The following FGFR1 variants were observed in gnomAD, a reference collection of about 807,000 sequenced individuals.
FGFR1 encodes FGFR1/PLAG1 fusion.
FGFR1 carries 18 observed loss-of-function variants against 93.7 expected under a neutral mutation model. That is an observed-to-expected ratio of 0.19 (90% CI 0.13 to 0.28). The LOEUF (loss-of-function observed/expected upper bound fraction) is 0.28. FGFR1 is among the 10% of genes least tolerant of loss of function. FGFR1 has a pLI of 1.00. For missense variants in FGFR1, 731 were observed against 1,080.4 expected (o/e 0.68, Z 4.53); for synonymous variants, 448 against 429.3 (o/e 1.04, Z -0.54).
intron 2 of FGFR1, among the ~76,000 whole-genome samples, chr8:38,442,874 A>C (rs1027611705): frequency 6.6e-6 from 1 of 152,046 alleles, no homozygotes. Flanking sequence ...GACTCTCAGC[A>C]CCCCAAGTGC....
chr8:38,423,606 T>C (rs934253046), intron 7 of FGFR1: 2 of 167,196 alleles, frequency 1.2e-5, no homozygotes, highest in African/African-American at 4.8e-5. Flanking sequence ...CGCCCGGCCT[T>C]CTTTCCCTTT....
intron 1 of FGFR1, chr8:38,466,189 AAC>A (rs1258959702): frequency 6.0e-5 from 14 of 232,268 alleles, no homozygotes; most frequent in Non-Finnish European, 1.1e-4. Flanking sequence ...AGTCCTTAAA[AAC>A]ACACAGAGAG....
At chr8:38,447,409 G>C (rs1829703897) in intron 2 of FGFR1, among the ~76,000 whole-genome samples, 1 of 152,066 alleles carries the variant, frequency 6.6e-6, no homozygotes. Context: ...TCTGATTATG[G>C]TCATAAAACC....
intron 2 of FGFR1, among the ~76,000 whole-genome samples, chr8:38,448,976 CCTGTAAT>C (rs1830250804): frequency 6.6e-6 from 1 of 151,984 alleles, no homozygotes; most frequent in African/African-American, 2.4e-5. Context: ...GTGGCTCATG[CCTGTAAT>C]CCTAACACTT....
Position 38,418,225 on chromosome 8 carries a change from T to TA in FGFR1, c.1430+2dup. The TA allele has an allele frequency of 6.2e-7, 1 of 1,614,184 alleles. No homozygotes were observed. The highest frequency in any genetic ancestry group is 1.1e-5 in the South Asian group (1 of 91,090). ...AAAAAGTTGGGAGTCAAAGTATTAT[T>TA]ACCTGTCCCGAGGCAGCTCCCAGCG... On this transcript the variant is annotated splice_region_variant and intron_variant, in intron 10 of 17. Transcript: ENST00000447712.
chr8:38,428,234 C>G, intron 4 of FGFR1, 112 bp downstream of exon 4: 3 of 1,466,338 alleles, frequency 2.0e-6, no homozygotes, highest in South Asian at 2.3e-5. Context: ...CTTAGCAGAA[C>G]AGGCACCGTG....
At chr8:38,458,614 G>T (rs1833552708) in intron 1 of FGFR1, among the ~76,000 whole-genome samples, 1 of 152,080 alleles carries the variant, frequency 6.6e-6, no homozygotes. Context: ...GAGAAATAAG[G>T]GGCAATGAAG....
At chr8:38,466,324 C>T (rs1406577533) in intron 1 of FGFR1, 1 of 232,134 alleles carries the variant, frequency 4.3e-6, no homozygotes, top group Non-Finnish European at 8.5e-6. Flanking sequence ...GGCAGGCGCT[C>T]CCGCAGCTCC....
chr8:38,428,013 T>C lies in FGFR1; in HGVS notation c.529A>G (p.Lys177Glu), dbSNP rs1172942794. 1 of 1,614,142 alleles carries C rather than the reference T, an allele frequency of 6.2e-7. No homozygotes were observed. ...TTTGGGGTCCCACTGGAAGGGCATT[T>C]GAACTTCACTGTCTTGGCAGCCGGC... ...AVPAAKTVKF[K>E]CPSSGTPNPT... The change falls in exon 5 of 18, where the codon AAA becomes GAA. Residue 177 changes from lysine to glutamate, a missense_variant. By Grantham distance (56) the Lys-to-Glu change is moderately conservative. This residue lies in a region of FGFR1 where 109 missense variants were observed against 249.4 expected (regional missense o/e 0.44). Coordinates refer to ENST00000447712, the MANE Select transcript of FGFR1 (RefSeq NM_023110.3).
intron 1 of FGFR1, among the ~76,000 whole-genome samples, chr8:38,461,444 C>T (rs1040340246): frequency 1.3e-5 from 2 of 152,170 alleles, no homozygotes; most frequent in Non-Finnish European, 2.9e-5. Flanking sequence ...AAGTGATCCT[C>T]CCACCTCAGC....
chr8:38,463,964 T>C (rs936758957), intron 1 of FGFR1, among the ~76,000 whole-genome samples: 3 of 151,256 alleles, frequency 2.0e-5, no homozygotes, highest in African/African-American at 7.3e-5. Flanking sequence ...ATTTTTTGAG[T>C]CTCTTTAAAA....
Position 38,468,451 on chromosome 8 carries a change from G to A in FGFR1, c.-559C>T, listed in dbSNP as rs1586839107. On this transcript the variant is annotated 5_prime_UTR_variant, in exon 1 of 18. Transcript: ENST00000447712. ...AAGCAGCGGCGCGCTCGCGGCCGGG[G>A]AAGGCGAGGTCGCCGCAATGCGCTA... is the stretch of plus-strand genomic sequence containing the variant. 1 of 228,712 alleles carries A rather than the reference G, an allele frequency of 4.4e-6. No individual in the cohort carries two copies. The highest frequency in any genetic ancestry group is 2.2e-5 in the African/African-American group (1 of 45,010). The allele number at this position is 228,712 out of a possible 1,614,324, so 14.2% of individuals were successfully genotyped here.
chr8:38,429,139 C>T lies in FGFR1; in HGVS notation c.358+543G>A, dbSNP rs1350694036. 5.5e-6 allele frequency: 2 copies of T among 364,358 alleles called. No homozygotes were observed. The highest frequency in any genetic ancestry group is 1.5e-4 in the East Asian group (2 of 13,594). The allele number at this position is 364,358 out of a possible 1,614,324, so 22.6% of individuals were successfully genotyped here. On this transcript the variant is annotated intron_variant, in intron 3 of 17. Coordinates refer to ENST00000447712, the MANE Select transcript of FGFR1 (RefSeq NM_023110.3). The surrounding 1 kb of genome is among the most constrained non-coding windows in gnomAD (Gnocchi z 4.4). ...CATAAAGAAAATTTCAGCTCCACTT[C>T]CTCAACTCCTAGTTTTGTGAAAGTC...
chr8:38,421,767 G>A (rs1818899469), intron 8 of FGFR1, 30 bp downstream of exon 8: 1 of 1,613,364 alleles, frequency 6.2e-7, no homozygotes, highest in Non-Finnish European at 8.5e-7. Context: ...GCGAGGGCAG[G>A]ACATCGAGAG....
rs1818507872 is a variant in FGFR1 at position 38,420,915 on chromosome 8, TG to T, written c.1081+881del. ...ATGTTGAGGAACGAAGACAACTGAT[TG>T]GGAGCACATGGGGAGCACGGACAGG... On this transcript the variant is annotated intron_variant, in intron 8 of 17. Transcript: ENST00000447712. 2.6e-5 allele frequency among the ~76,000 whole-genome samples: 4 copies of T among 152,106 alleles called. No individual in the cohort carries two copies. The South Asian group carries it at 8.3e-4, about 32-fold the overall frequency.
chr8:38,419,747 C>G lies in FGFR1; in HGVS notation c.1082-12G>C, dbSNP rs748061953. The G allele has an allele frequency of 6.2e-7, 1 of 1,613,382 alleles. No individual in the cohort carries two copies. Among genetic ancestry groups the G allele is most frequent in the Non-Finnish European group, 8.5e-7 (1 of 1,179,586 alleles). On this transcript the variant is annotated splice_polypyrimidine_tract_variant and intron_variant, in intron 8 of 17. Transcript: ENST00000447712. Reference sequence around the variant, plus strand: ...CCTCTCTTCCAGGGCTGAGTCAGTGCGAACAGGGTGTTAGCAGGCTTGGAG... The same window carrying G: ...CCTCTCTTCCAGGGCTGAGTCAGTGGGAACAGGGTGTTAGCAGGCTTGGAG...
At position 38,424,819 on chromosome 8, in the gene FGFR1, C is replaced by G. The variant is rs1820150709; in HGVS notation, c.746-120G>C. 1.0e-6 allele frequency: 1 copy of G among 989,868 alleles called. No individual in the cohort carries two copies. Among genetic ancestry groups the G allele is most frequent in the Non-Finnish European group, 1.5e-6 (1 of 672,020 alleles). 61.3% of individuals were successfully genotyped at this position (989,868 alleles called of 1,614,324 possible). On this transcript the variant is annotated intron_variant, in intron 6 of 17. Coordinates refer to ENST00000447712, the MANE Select transcript of FGFR1 (RefSeq NM_023110.3). The surrounding 1 kb of genome is among the most constrained non-coding windows in gnomAD (Gnocchi z 4.3). ...ATGGGTTGTAAACCTCCCAGCACTT[C>G]TGCTGAGCCCAAGCCTCTCAAAACA...
At position 38,413,397 on chromosome 8, in the gene FGFR1, G is replaced by A. The variant is rs1815036929; in HGVS notation, c.*231C>T. 5.3e-6 allele frequency: 3 copies of A among 569,280 alleles called. No homozygotes were observed. Among genetic ancestry groups the A allele is most frequent in the East Asian group, 5.7e-5 (2 of 34,848 alleles). The allele number at this position is 569,280 out of a possible 1,614,324, so 35.3% of individuals were successfully genotyped here. ...CCAACATCTGGGAGGGGATGAAGTG[G>A]CTGGCAGCAAAGATCTGCCTCTTTG... is the stretch of plus-strand genomic sequence containing the variant. On this transcript the variant is annotated 3_prime_UTR_variant, in exon 18 of 18. Coordinates refer to ENST00000447712, the MANE Select transcript of FGFR1 (RefSeq NM_023110.3). The surrounding 1 kb of genome is among the most constrained non-coding windows in gnomAD (Gnocchi z 4.2).
chr8:38,440,464 G>A (rs1464206734), intron 2 of FGFR1: 7 of 1,051,960 alleles, frequency 6.7e-6, no homozygotes, highest in African/African-American at 3.2e-5. Context: ...AAAATGGGGG[G>A]CACAGGTATG....
Sources: allele counts gnomAD v4.1 joint callset (sites outside exome capture counted in the v4.1 genomes callset), GRCh38; gene constraint gnomAD v4.1.1; regional missense constraint gnomAD v4.1.1; non-coding constraint Gnocchi (gnomAD v3.1); transcripts MANE v1.5; gene names NCBI Gene and HGNC (gene_info 2026-07-23, HGNC 2026-07-21).